Variants in CDYL observed in about 807,000 individuals in gnomAD.
The protein encoded by CDYL is chromodomain Y-like protein.
In CDYL, 8 loss-of-function variants were observed where a neutral mutation model predicts 47.3. That is an observed-to-expected ratio of 0.17 (90% confidence interval 0.10 to 0.31). CDYL has a LOEUF of 0.31. Among genes scored for constraint, CDYL ranks in the 10% least tolerant of loss-of-function variants. The pLI, the probability that CDYL is intolerant of heterozygous loss-of-function variation, is 1.00. For synonymous variants in CDYL, 266 were observed against 265.0 expected, an observed-to-expected ratio of 1.00 and a Z score of -0.04; for missense variants, 471 against 701.4, an observed-to-expected ratio of 0.67 and a Z score of 3.71.
At chr6:4,869,099 ATT>A (rs369510791) in intron 1 of CDYL, among the ~76,000 whole-genome samples, 1 of 138,782 alleles carries the variant, frequency 7.2e-6, no homozygotes, top group African/African-American at 2.6e-5. Context: ...TTTCTTTCTT[ATT>A]TTTTTTTTTT....
chr6:4,914,481 T>A (rs746221809), intron 2 of CDYL, among the ~76,000 whole-genome samples: 54 of 152,220 alleles, frequency 3.5e-4, no homozygotes, highest in Non-Finnish European at 5.1e-4. Flanking sequence ...ATCTGTCTCT[T>A]GTGTTCTGCC....
At chr6:4,891,390 C>T (rs1445177420) in intron 1 of CDYL, among the ~76,000 whole-genome samples, 1 of 152,208 alleles carries the variant, frequency 6.6e-6, no homozygotes, top group Non-Finnish European at 1.5e-5. Flanking sequence ...CCTCGAGCTG[C>T]TCCAGCCATG....
Position 4,878,581 on chromosome 6 carries a change from G to A in CDYL, c.25-13132G>A, listed in dbSNP as rs1437852995. Among the ~76,000 whole-genome samples, 4 of 151,928 alleles carry A rather than the reference G, an allele frequency of 2.6e-5. No individual in the cohort carries two copies. The East Asian group carries it at 7.7e-4, about 29-fold the overall frequency. On this transcript the variant is annotated intron_variant, in intron 1 of 6. Coordinates refer to ENST00000397588, the MANE Select transcript of CDYL (RefSeq NM_004824.4). The stretch of plus-strand genomic sequence containing the variant: ...ACGATGATGAATTTATTGGTATAAT[G>A]TTTTTCATAATATTTTGTTATTTTA...
intron 2 of CDYL, among the ~76,000 whole-genome samples, chr6:4,895,564 T>TAC (rs1325522985): frequency 1.3e-5 from 2 of 151,710 alleles, no homozygotes; most frequent in Non-Finnish European, 1.5e-5. Flanking sequence ...TGTATATATA[T>TAC]ACACACATTT....
chr6:4,749,064 A>G (rs944717505), intron 3 of CDYL, among the ~76,000 whole-genome samples: 9 of 152,224 alleles, frequency 5.9e-5, no homozygotes, highest in African/African-American at 2.2e-4. Flanking sequence ...TATTTCTAGA[A>G]TAGTGTTTAT....
chr6:4,793,128 C>T (rs1195492986), intron 1 of CDYL, among the ~76,000 whole-genome samples: 2 of 151,124 alleles, frequency 1.3e-5, no homozygotes, highest in African/African-American at 4.9e-5. Context: ...AATTTCTCTC[C>T]TCATGGTGGT....
chr6:4,892,248 T>C lies in CDYL; in HGVS notation c.560T>C (p.Val187Ala). Reference sequence around the variant, plus strand: ...CCCGAAGTGGCAGCGGAAAAGCCGGTCGGAGCTTTATTGGGCCCCGGTGCC... The same window carrying C: ...CCCGAAGTGGCAGCGGAAAAGCCGGCCGGAGCTTTATTGGGCCCCGGTGCC... ...VAPEVAAEKP[V>A]GALLGPGAER... The change falls in exon 2 of 7, where the codon GTC (valine) becomes GCC (alanine). Residue 187 changes from valine (V) to alanine (A), a missense_variant. Val to Ala is a moderately conservative substitution (Grantham distance 64). Around this residue, in one of 3 missense-constraint regions of CDYL, gnomAD observed 311 missense variants for 350.0 expected, o/e 0.89. Transcript: ENST00000397588. 1 of 1,614,192 alleles carries C rather than the reference T, an allele frequency of 6.2e-7. No individual in the cohort carries two copies. The highest frequency in any genetic ancestry group is 8.5e-7 in the Non-Finnish European group (1 of 1,180,024).
At chr6:4,946,805 G>A (rs1005578208) in intron 5 of CDYL, among the ~76,000 whole-genome samples, 32 of 152,104 alleles carry the variant, frequency 2.1e-4, no homozygotes, top group Admixed American at 7.2e-4. Context: ...GCTGTGGATG[G>A]CCCCACCGGC....
At chr6:4,902,188 C>G (rs1160141710) in intron 2 of CDYL, among the ~76,000 whole-genome samples, 1 of 151,804 alleles carries the variant, frequency 6.6e-6, no homozygotes, top group Non-Finnish European at 1.5e-5. Context: ...CAACTGAAGT[C>G]TGGAGTTCGA....
At chr6:4,760,848 C>T (rs925986670) in intron 3 of CDYL, among the ~76,000 whole-genome samples, 16 of 151,542 alleles carry the variant, frequency 1.1e-4, no homozygotes, top group African/African-American at 3.4e-4. Context: ...AGTGAGCCTT[C>T]TGGGATTTTT....
At chr6:4,742,964 A>G (rs1291778523) in intron 3 of CDYL, among the ~76,000 whole-genome samples, 1 of 152,174 alleles carries the variant, frequency 6.6e-6, no homozygotes, top group Non-Finnish European at 1.5e-5. Context: ...AAACATAGGA[A>G]GCTTCCATCC....
chr6:4,936,009 C>T (rs1251358320), intron 3 of CDYL, among the ~76,000 whole-genome samples: 2 of 152,226 alleles, frequency 1.3e-5, no homozygotes, highest in South Asian at 2.1e-4. Context: ...CCCATTCTCC[C>T]GGGTGTGGGT....
At chr6:4,917,442 C>T (rs74751861) in intron 2 of CDYL, among the ~76,000 whole-genome samples, 219 of 152,138 alleles carry the variant, frequency 1.4e-3, no homozygotes, top group African/African-American at 5.1e-3. Flanking sequence ...AGTAGCTTTG[C>T]CTTTGTAGTT....
rs777234149 is a variant in CDYL, at chr6:4,894,309, T to C, written c.691+1930T>C. ...GGACAGATAAGCACCTCCGTCTTCA[T>C]TGATGACTTGGGGGCCAGGCACGGT... On this transcript the variant is annotated intron_variant, in intron 2 of 6. Coordinates refer to ENST00000397588, the MANE Select transcript of CDYL (RefSeq NM_004824.4). Among the ~76,000 whole-genome samples, 6 of 152,268 alleles carry C rather than the reference T, an allele frequency of 3.9e-5. No individual in the cohort carries two copies. In the South Asian group the frequency reaches 1.2e-3, roughly 32 times the overall value.
intron 4 of CDYL, among the ~76,000 whole-genome samples, chr6:4,941,339 TA>T (rs1414138361): frequency 1.3e-5 from 2 of 152,234 alleles, no homozygotes; most frequent in Non-Finnish European, 2.9e-5. Flanking sequence ...CTCCCTTGGT[TA>T]AGCCTTTATG....
At chr6:4,822,733 A>G (rs763628489) in intron 1 of CDYL, among the ~76,000 whole-genome samples, 45 of 152,300 alleles carry the variant, frequency 3.0e-4, no homozygotes, top group South Asian at 1.2e-3. Context: ...ATGTGTTTTC[A>G]GTTCTCTTCA....
intron 1 of CDYL, among the ~76,000 whole-genome samples, chr6:4,777,208 GA>G (rs1323769155): frequency 2.0e-5 from 3 of 151,948 alleles, no homozygotes; most frequent in Non-Finnish European, 4.4e-5. Flanking sequence ...GCATTTGGGA[GA>G]GGGTTTTGCC....
At chr6:4,900,804 T>TCTATATCTATATAG (rs1561697590) in intron 2 of CDYL, among the ~76,000 whole-genome samples, 1 of 87,944 alleles carries the variant, frequency 1.1e-5, no homozygotes, top group African/African-American at 4.7e-5. Flanking sequence ...TATATATATA[T>TCTATATCTATATAG]ATATATATAT....
At chr6:4,784,537 T>G (rs1758701749) in intron 1 of CDYL, among the ~76,000 whole-genome samples, 1 of 152,200 alleles carries the variant, frequency 6.6e-6, no homozygotes, top group Non-Finnish European at 1.5e-5. Flanking sequence ...AAGAGGACTG[T>G]TTATGAAAAT....
Sources: gnomAD v4.1 joint callset for allele counts (sites outside exome capture counted in the v4.1 genomes callset) on GRCh38, gnomAD v4.1.1 for gene constraint, gnomAD v4.1.1 regional missense constraint, MANE v1.5 for transcripts, NCBI Gene and HGNC (gene_info 2026-07-23, HGNC 2026-07-21) for gene names.